The following FRAS1 variants were observed in gnomAD, a reference collection of about 807,000 sequenced individuals.
The protein encoded by FRAS1 is extracellular matrix organizing protein FRAS1.
FRAS1 carries 290 observed loss-of-function variants against 435.2 expected under a neutral mutation model. The observed-to-expected ratio is 0.67, with a 90% confidence interval of 0.61 to 0.73. FRAS1 has a LOEUF of 0.73. Ranked by LOEUF, FRAS1 falls within the 30% of genes least tolerant of loss-of-function variation. The pLI is 0.00. For synonymous variants in FRAS1, 1,800 were observed against 1,851.0 expected (o/e 0.97, Z 0.71); for missense variants, 4,860 against 5,001.5 (o/e 0.97, Z 0.85).
chr4:78,461,835 TGAAA>T (rs112204959), intron 47 of FRAS1, among the ~76,000 whole-genome samples: 2 of 152,162 alleles, frequency 1.3e-5, no homozygotes, highest in African/African-American at 4.8e-5. Flanking sequence ...GCATGCTAAA[TGAAA>T]GAAACTAGAC....
chr4:78,247,817 A>T (rs1250466049), intron 4 of FRAS1, among the ~76,000 whole-genome samples: 5 of 152,182 alleles, frequency 3.3e-5, no homozygotes, highest in African/African-American at 1.2e-4. Flanking sequence ...GCTATAAAAT[A>T]GCCTGGCATT....
rs1321985602 is a variant in FRAS1, at chr4:78,388,339, A to AC, written c.3975+638_3975+639insC. On this transcript the variant is annotated intron_variant, in intron 29 of 73. Transcript: ENST00000512123. ...GACTCCGTCTCAAAAACCAAAAAAA[A>AC]AAAAAAACAAAAAAAACCCAGCTCA... Among the ~76,000 whole-genome samples the AC allele has an allele frequency of 3.6e-3, 547 of 151,908 alleles. 3 individuals are homozygous for AC. The highest frequency in any genetic ancestry group is 0.013 in the African/African-American group (532 of 41,402).
At chr4:78,068,964 T>C (rs1740196432) in intron 2 of FRAS1, among the ~76,000 whole-genome samples, 1 of 152,192 alleles carries the variant, frequency 6.6e-6, no homozygotes, top group Non-Finnish European at 1.5e-5. Context: ...GGAGAGTGAA[T>C]GTATGTTCAT....
intron 72 of FRAS1, among the ~76,000 whole-genome samples, chr4:78,538,882 G>A (rs534153959): frequency 5.9e-5 from 9 of 151,412 alleles, no homozygotes; most frequent in Non-Finnish European, 1.0e-4. Context: ...ATGAACCCAG[G>A]AGGTGGAGCC....
chr4:78,339,528 G>GA (rs1230641460), intron 20 of FRAS1, among the ~76,000 whole-genome samples: 2 of 152,192 alleles, frequency 1.3e-5, no homozygotes, highest in Non-Finnish European at 2.9e-5. Context: ...ATGCGGGGGG[G>GA]TGGAACCCAA....
chr4:78,229,334 A>C (rs554211983), intron 2 of FRAS1, among the ~76,000 whole-genome samples: 2 of 151,666 alleles, frequency 1.3e-5, no homozygotes, highest in African/African-American at 4.8e-5. Flanking sequence ...TTTGTAAAAC[A>C]AAACTTAGAG....
intron 4 of FRAS1, among the ~76,000 whole-genome samples, chr4:78,251,507 G>A (rs1578207270): frequency 6.6e-6 from 1 of 152,160 alleles, no homozygotes; most frequent in African/African-American, 2.4e-5. Context: ...CCCCCATGCT[G>A]TACCTTAGAT....
At position 78,267,371 on chromosome 4, in the gene FRAS1, T is replaced by G. The variant is rs775776396; in HGVS notation, c.920T>G (p.Met307Arg). The G allele has an allele frequency of 6.2e-7, 1 of 1,613,964 alleles. No homozygotes were observed. The highest frequency in any genetic ancestry group is 8.5e-7 in the Non-Finnish European group (1 of 1,179,876). ...AAGGGCTCGGCCTGTGAGTTCTGCA[T>G]GTGTGATCATGGCCAAGTGACCTGC... ...MWKGSACEFC[M>R]CDHGQVTCQT... Residue 307 changes from methionine to arginine, a missense_variant, in exon 9 of 74, where the codon ATG becomes AGG. Transcript: ENST00000512123.
At position 78,544,017 on chromosome 4, in the gene FRAS1, G is replaced by A. The variant is rs1440218221; in HGVS notation, c.*2893G>A. On this transcript the variant is annotated 3_prime_UTR_variant, in exon 74 of 74. Coordinates refer to ENST00000512123, the MANE Select transcript of FRAS1 (RefSeq NM_025074.7). ...CTCCTGCAGATTCTATTGTTGGGTG[G>A]GAAATAGTGTTGGAATGTGTTTGCA... 2 of 152,610 alleles carry A rather than the reference G, an allele frequency of 1.3e-5. No homozygotes were observed. The highest frequency in any genetic ancestry group is 3.8e-4 in the East Asian group (2 of 5,196). The allele number at this position is 152,610 out of a possible 1,614,324, so 9.5% of individuals were successfully genotyped here.
intron 4 of FRAS1, among the ~76,000 whole-genome samples, chr4:78,249,064 C>CATATATATATATATATAT (rs200267733): frequency 1.8e-3 from 30 of 16,592 alleles, no homozygotes; most frequent in African/African-American, 2.8e-3. Flanking sequence ...TATATATATG[C>CATATATATATATATATAT]ATATATATAT....
In FRAS1 at chr4:78,448,336, G is replaced by C; in HGVS notation, c.6274+20G>C. On this transcript the variant is annotated intron_variant, in intron 44 of 73. Coordinates refer to ENST00000512123, the MANE Select transcript of FRAS1 (RefSeq NM_025074.7). Reference sequence around the variant, plus strand: ...CAGCAGGTACCACAGAAATAAAGGAGAGTGGCCATGGTTTTTCTATCCTTA... The same window carrying C: ...CAGCAGGTACCACAGAAATAAAGGACAGTGGCCATGGTTTTTCTATCCTTA... 1 of 1,573,360 alleles carries C rather than the reference G, an allele frequency of 6.4e-7. No homozygotes were observed. The highest frequency in any genetic ancestry group is 8.6e-7 in the Non-Finnish European group (1 of 1,158,498).
chr4:78,420,900 A>C (rs1053621409), intron 33 of FRAS1, among the ~76,000 whole-genome samples: 1 of 51,332 alleles, frequency 1.9e-5, no homozygotes, highest in East Asian at 2.4e-4. Flanking sequence ...ATATATATAT[A>C]TATATATATA....
At position 78,537,039 on chromosome 4, in the gene FRAS1, CT is replaced by C; in HGVS notation, c.11139del (p.Asn3714IlefsTer46). 1 of 1,614,002 alleles carries C rather than the reference CT, an allele frequency of 6.2e-7. No individual in the cohort carries two copies. The highest frequency in any genetic ancestry group is 8.5e-7 in the Non-Finnish European group (1 of 1,179,882). On this transcript the variant is annotated frameshift_variant, in exon 72 of 74. Transcript: ENST00000512123. LOFTEE classifies it high-confidence loss of function. ...GRVLWNPEQNLNSAYKLQLEK... is the reference protein window; with the variant it reads ...GRVLWNPEQNXNSAYKLQLEK... The stretch of plus-strand genomic sequence containing the variant: ...AGTACTTTGGAATCCAGAACAAAAT[CT>C]TAATTCTGCTTACAAACTCCAGCTG...
intron 44 of FRAS1, among the ~76,000 whole-genome samples, chr4:78,449,528 A>G (rs1163600982): frequency 1.3e-5 from 2 of 152,176 alleles, no homozygotes; most frequent in Admixed American, 6.5e-5. Context: ...TATTTTTAAC[A>G]TGATAAAGCG....
chr4:78,247,768 G>T (rs1316819799), intron 4 of FRAS1, among the ~76,000 whole-genome samples: 1 of 152,122 alleles, frequency 6.6e-6, no homozygotes, highest in Non-Finnish European at 1.5e-5. Context: ...TTGGCCTCTG[G>T]CTTGCCTCCC....
At chr4:78,058,111 TGTGTGTGTGC>T in intron 1 of FRAS1, 26 bp downstream of exon 1, 1 of 1,591,056 alleles carries the variant, frequency 6.3e-7, no homozygotes, top group Non-Finnish European at 8.6e-7. Context: ...CGCGTGTGTG[TGTGTGTGTGC>T]GTGTGCGTGT....
chr4:78,190,920 G>C (rs1489839473), intron 2 of FRAS1, among the ~76,000 whole-genome samples: 1 of 152,118 alleles, frequency 6.6e-6, no homozygotes, highest in African/African-American at 2.4e-5. Context: ...ATGTAATTAG[G>C]GTTAAATGAG....
chr4:78,165,538 A>C (rs1217297945), intron 2 of FRAS1, among the ~76,000 whole-genome samples: 2 of 152,190 alleles, frequency 1.3e-5, no homozygotes, highest in Non-Finnish European at 2.9e-5. Flanking sequence ...AACAATTAAG[A>C]TAGTAATTTT....
chr4:78,413,374 A>G (rs879457075), intron 32 of FRAS1, among the ~76,000 whole-genome samples: 2 of 152,226 alleles, frequency 1.3e-5, no homozygotes, highest in African/African-American at 4.8e-5. Context: ...AATTTGGAGG[A>G]AATTTCAGGC....
Sources: allele counts gnomAD v4.1 joint callset (sites outside exome capture counted in the v4.1 genomes callset), GRCh38; gene constraint gnomAD v4.1.1; transcripts MANE v1.5; gene names NCBI Gene and HGNC (gene_info 2026-07-23, HGNC 2026-07-21).